Variants in DYNC2LI1 observed in about 807,000 individuals in gnomAD.
DYNC2LI1 encodes cytoplasmic dynein 2 light intermediate chain 1.
In DYNC2LI1, 45 loss-of-function variants were observed where a neutral mutation model predicts 51.9. The ratio of observed to expected loss-of-function variants is 0.87; its 90% CI spans 0.68 to 1.11. DYNC2LI1 has a LOEUF of 1.11. Ranked by LOEUF, DYNC2LI1 falls within the 50% of genes most tolerant of loss-of-function variation. The pLI is 0.00. For synonymous variants in DYNC2LI1, 130 were observed against 137.8 expected, an observed-to-expected ratio of 0.94 and a Z score of 0.40; for missense variants, 490 against 417.4, an observed-to-expected ratio of 1.17 and a Z score of -1.51.
the DYNC2LI1 span, among the ~76,000 whole-genome samples, chr2:43,816,230 G>T: frequency 6.6e-6 from 1 of 152,216 alleles, no homozygotes; most frequent in Non-Finnish European, 1.5e-5. Flanking sequence ...TTGGTCCAAG[G>T]CCTAATTGGG....
At chr2:43,804,380 A>G (rs1258299765) in intron 10 of DYNC2LI1, among the ~76,000 whole-genome samples, 2 of 152,246 alleles carry the variant, frequency 1.3e-5, no homozygotes, top group South Asian at 4.1e-4. Context: ...TTAATAGGAT[A>G]TAGATACAGG....
chr2:43,822,486 C>G, the DYNC2LI1 span: 1 of 932,846 alleles, frequency 1.1e-6, no homozygotes, highest in African/African-American at 1.8e-5. Flanking sequence ...AGGCCCCCCC[C>G]CATGCACCTG....
At chr2:43,828,347 C>T in the DYNC2LI1 span, 18 of 580,352 alleles carry the variant, frequency 3.1e-5, no homozygotes, top group Non-Finnish European at 5.1e-5. Context: ...TTTAAAACGT[C>T]CCCAGAGGCT....
At chr2:43,823,767 T>G in the DYNC2LI1 span, 1 of 854,842 alleles carries the variant, frequency 1.2e-6, no homozygotes, top group Non-Finnish European at 1.8e-6. Flanking sequence ...AACTCAATAG[T>G]TGCCTTTCCC....
At chr2:43,778,525 C>T (rs1240005360) in intron 2 of DYNC2LI1, among the ~76,000 whole-genome samples, 3 of 152,136 alleles carry the variant, frequency 2.0e-5, no homozygotes, top group African/African-American at 4.8e-5. Flanking sequence ...TAACAGTTTC[C>T]TACATTGTAT....
rs184471996 is a variant in DYNC2LI1, at chr2:43,800,927, A to T, written c.731+10A>T. 9.0e-6 allele frequency: 14 copies of T among 1,564,182 alleles called. No individual in the cohort carries two copies. In the Admixed American group the frequency reaches 2.5e-4, roughly 28 times the overall value. ...TTGGCATTGACAAAAGGTACTGCTA[A>T]GATATTTTTTATATCATTTATTGAG... On this transcript the variant is annotated intron_variant, in intron 9 of 12. Coordinates refer to ENST00000260605, the MANE Select transcript of DYNC2LI1 (RefSeq NM_016008.4).
intron 6 of DYNC2LI1, 114 bp downstream of exon 6, chr2:43,794,757 A>T (rs760592460): frequency 6.4e-7 from 1 of 1,574,236 alleles, no homozygotes; most frequent in Non-Finnish European, 8.6e-7. Flanking sequence ...CATTTGATGT[A>T]GATGAACCTG....
chr2:43,775,854 A>ATTTTTTTTTTTTTTTTTTTTTT (rs57868887), intron 1 of DYNC2LI1: 1 of 49,276 alleles, frequency 2.0e-5, no homozygotes, highest in African/African-American at 8.9e-5. Flanking sequence ...CACCTGGCCA[A>ATTTTTTTTTTTTTTTTTTTTTT]TTTTTTTTTT....
intron 5 of DYNC2LI1, among the ~76,000 whole-genome samples, chr2:43,792,281 G>T (rs533749469): frequency 6.6e-6 from 1 of 152,170 alleles, no homozygotes; most frequent in Non-Finnish European, 1.5e-5. Context: ...CAACAGAATT[G>T]TTACTGTTTT....
chr2:43,777,563 G>A (rs2104657310), intron 2 of DYNC2LI1, among the ~76,000 whole-genome samples: 1 of 152,354 alleles, frequency 6.6e-6, no homozygotes, highest in African/African-American at 2.4e-5. Flanking sequence ...GCAAGATGCT[G>A]AAATTCATGT....
At chr2:43,780,244 A>G (rs1434206989) in intron 2 of DYNC2LI1, among the ~76,000 whole-genome samples, 1 of 152,208 alleles carries the variant, frequency 6.6e-6, no homozygotes, top group Non-Finnish European at 1.5e-5. Flanking sequence ...GGAAAGCTTC[A>G]AGATGTAACC....
intron 8 of DYNC2LI1, among the ~76,000 whole-genome samples, chr2:43,797,419 C>T (rs969127983): frequency 2.6e-5 from 4 of 151,722 alleles, no homozygotes; most frequent in African/African-American, 9.7e-5. Flanking sequence ...CAGAATATTA[C>T]TCAATAAATG....
chr2:43,813,162 A>C, downstream of DYNC2LI1: 4 of 1,475,078 alleles, frequency 2.7e-6, no homozygotes, highest in Non-Finnish European at 3.8e-6. Context: ...AACTATTCCT[A>C]GGATGACAAG....
chr2:43,787,225 G>A lies in DYNC2LI1; in HGVS notation c.206G>A (p.Gly69Glu). Residue 69 changes from glycine to glutamate, a missense_variant, in exon 4 of 13, where the codon GGA becomes GAA. Physicochemically the swap from Gly to Glu is moderately conservative, Grantham distance 98. Coordinates refer to ENST00000260605, the MANE Select transcript of DYNC2LI1 (RefSeq NM_016008.4). ...KPTLALEYTYGRRAKGHNTPK... is the reference protein window; with the variant it reads ...KPTLALEYTYERRAKGHNTPK... Reference sequence around the variant, plus strand: ...ACCTTAGCTTTGGAATATACATATGGAAGAAGAGCAAAAGGGCACAACACA... The same window carrying A: ...ACCTTAGCTTTGGAATATACATATGAAAGAAGAGCAAAAGGGCACAACACA... 1 of 1,613,332 alleles carries A rather than the reference G, an allele frequency of 6.2e-7. No individual in the cohort carries two copies. Among genetic ancestry groups the A allele is most frequent in the Non-Finnish European group, 8.5e-7 (1 of 1,179,572 alleles).
chr2:43,809,958 A>G lies in DYNC2LI1; in HGVS notation c.*191A>G. The G allele has an allele frequency of 2.3e-6, 3 of 1,304,024 alleles. No homozygotes were observed. The highest frequency in any genetic ancestry group is 2.9e-6 in the Non-Finnish European group (3 of 1,017,586). 80.8% of individuals were successfully genotyped at this position (1,304,024 alleles called of 1,614,324 possible). Reference sequence around the variant, plus strand: ...TTTTTAAAAGGAAAAATTATTGTAGAACCACGTGTAATTTTTTTTAAAATA... The same window carrying G: ...TTTTTAAAAGGAAAAATTATTGTAGGACCACGTGTAATTTTTTTTAAAATA... On this transcript the variant is annotated 3_prime_UTR_variant, in exon 13 of 13. Transcript: ENST00000260605.
chr2:43,822,951 A>G, the DYNC2LI1 span: 2 of 1,613,200 alleles, frequency 1.2e-6, no homozygotes, highest in Non-Finnish European at 1.7e-6. Flanking sequence ...GATGGAAGGC[A>G]GGTTTCAGAA....
Position 43,774,101 on chromosome 2 carries a change from C to A in DYNC2LI1, c.-38C>A, listed in dbSNP as rs777880404. 1 of 1,613,262 alleles carries A rather than the reference C, an allele frequency of 6.2e-7. No homozygotes were observed. Among genetic ancestry groups the A allele is most frequent in the South Asian group, 1.1e-5 (1 of 90,884 alleles). ...GCCTGATTCTAGGCTGGTCACTACT[C>A]CGAGCCTGTGACGTTTGCGGCAGCC... On this transcript the variant is annotated 5_prime_UTR_variant, in exon 1 of 13. Coordinates refer to ENST00000260605, the MANE Select transcript of DYNC2LI1 (RefSeq NM_016008.4).
chr2:43,794,770 C>T (rs1431926993), intron 6 of DYNC2LI1, 127 bp downstream of exon 6: 2 of 1,536,072 alleles, frequency 1.3e-6, no homozygotes, highest in Non-Finnish European at 1.8e-6. Context: ...TGAACCTGTT[C>T]ACTGGAAAAT....
intron 12 of DYNC2LI1, among the ~76,000 whole-genome samples, chr2:43,808,129 A>C (rs966672557): frequency 4.6e-5 from 7 of 152,222 alleles, no homozygotes; most frequent in African/African-American, 1.7e-4. Flanking sequence ...TTTATGAGTT[A>C]ATCTTTAAAA....
Sources: allele counts gnomAD v4.1 joint callset (sites outside exome capture counted in the v4.1 genomes callset), GRCh38; gene constraint gnomAD v4.1.1; transcripts MANE v1.5; gene names NCBI Gene and HGNC (gene_info 2026-07-23, HGNC 2026-07-21).